The following ATP9A variants were observed in gnomAD, a reference collection of about 807,000 sequenced individuals.
The protein encoded by ATP9A is ATPase phospholipid transporting 9A.
Under a neutral mutation model 144.1 loss-of-function variants are expected in ATP9A, and 52 were observed. The ratio of observed to expected loss-of-function variants is 0.36; its 90% CI spans 0.29 to 0.45. ATP9A has a LOEUF of 0.45. Ranked by LOEUF, ATP9A falls within the 20% of genes least tolerant of loss-of-function variation. ATP9A has a pLI of 1.00. For synonymous variants in ATP9A, 582 were observed against 557.4 expected (o/e 1.04, Z -0.62); for missense variants, 947 against 1,392.7 (o/e 0.68, Z 5.09).
chr20:51,706,433 C>T (rs551421728), intron 4 of ATP9A, among the ~76,000 whole-genome samples: 2 of 152,238 alleles, frequency 1.3e-5, no homozygotes, highest in Non-Finnish European at 2.9e-5. Flanking sequence ...TACATCCACA[C>T]CCATAAAAGC....
At chr20:51,680,028 G>A (rs1185865991) in intron 9 of ATP9A, among the ~76,000 whole-genome samples, 18 of 152,042 alleles carry the variant, frequency 1.2e-4, no homozygotes, top group Admixed American at 3.9e-4. Context: ...TCAGAAGTTC[G>A]AGACCAGCCT....
intron 9 of ATP9A, among the ~76,000 whole-genome samples, chr20:51,686,299 G>A (rs1276540303): frequency 6.6e-6 from 1 of 151,388 alleles, no homozygotes; most frequent in Non-Finnish European, 1.5e-5. Flanking sequence ...CACCAACATG[G>A]CACATGTATA....
rs1010673438 is a variant in ATP9A, at chr20:51,725,992, C to T, written c.214-60G>A. ...AGGGCTTGTCTGATGAGATCTGGAA[C>T]ATTTGGTGGGAAATGAATAACATCT... is the stretch of plus-strand genomic sequence containing the variant. On this transcript the variant is annotated intron_variant, in intron 2 of 27. Coordinates refer to ENST00000338821, the MANE Select transcript of ATP9A (RefSeq NM_006045.3). The T allele has an allele frequency of 2.9e-6, 3 of 1,017,536 alleles. No individual in the cohort carries two copies. In the Admixed American group the frequency reaches 5.4e-5, roughly 18 times the overall value. 63.0% of individuals were successfully genotyped at this position (1,017,536 alleles called of 1,614,324 possible).
intron 1 of ATP9A, among the ~76,000 whole-genome samples, chr20:51,760,238 G>A (rs908398514): frequency 2.6e-5 from 4 of 152,102 alleles, no homozygotes; most frequent in East Asian, 1.9e-4. Context: ...CTGTGAGTTC[G>A]ATGTTAATGA....
chr20:51,632,577 T>C (rs149621618), intron 15 of ATP9A, among the ~76,000 whole-genome samples: 2 of 152,210 alleles, frequency 1.3e-5, no homozygotes, highest in Non-Finnish European at 2.9e-5. Context: ...ACTCTCAGCC[T>C]CTGGTTGTGA....
At chr20:51,651,165 T>TACCCAC (rs1555832967) in intron 14 of ATP9A, among the ~76,000 whole-genome samples, 1 of 140,284 alleles carries the variant, frequency 7.1e-6, no homozygotes, top group African/African-American at 2.7e-5. Context: ...TATATATATA[T>TACCCAC]ACACACACAC....
intron 9 of ATP9A, among the ~76,000 whole-genome samples, chr20:51,687,450 G>A (rs536867194): frequency 3.9e-5 from 6 of 152,234 alleles, no homozygotes; most frequent in Admixed American, 6.5e-5. Flanking sequence ...GATCCTAATC[G>A]AGTGTCTACT....
At chr20:51,701,661 A>C (rs577851932) in intron 4 of ATP9A, among the ~76,000 whole-genome samples, 2 of 152,258 alleles carry the variant, frequency 1.3e-5, no homozygotes, top group Non-Finnish European at 2.9e-5. Flanking sequence ...TCCACCTCTA[A>C]GGGAGGAAGC....
chr20:51,665,229 C>T (rs1239724155), intron 13 of ATP9A, among the ~76,000 whole-genome samples: 4 of 148,410 alleles, frequency 2.7e-5, no homozygotes, highest in East Asian at 4.0e-4. Flanking sequence ...AGTAGACTGA[C>T]AGCTGGGGGG....
intron 1 of ATP9A, among the ~76,000 whole-genome samples, chr20:51,746,634 T>C (rs2077809493): frequency 6.6e-6 from 1 of 152,184 alleles, no homozygotes. Flanking sequence ...GGTCAGGAGA[T>C]TGAAACCATC....
Position 51,695,356 on chromosome 20 carries a change from G to A in ATP9A, c.547+737C>T, listed in dbSNP as rs375284147. ...AAATTAGCCGGGCATGGTGGTGCAC[G>A]GGAGGCTGAGGCAGGAGAATGGCTT... is the stretch of plus-strand genomic sequence containing the variant. On this transcript the variant is annotated intron_variant, in intron 6 of 27. Transcript: ENST00000338821. Among the ~76,000 whole-genome samples, 20 of 151,836 alleles carry A rather than the reference G, an allele frequency of 1.3e-4. 2 individuals are homozygous for A. The highest frequency in any genetic ancestry group is 2.0e-4 in the Admixed American group (3 of 15,230).
At chr20:51,735,676 T>A (rs141406914) in intron 1 of ATP9A, among the ~76,000 whole-genome samples, 1 of 152,342 alleles carries the variant, frequency 6.6e-6, no homozygotes, top group Non-Finnish European at 1.5e-5. Flanking sequence ...AAAGCCCATC[T>A]CATTTAACCA....
chr20:51,732,339 CT>C (rs2077745600), intron 1 of ATP9A: 1 of 152,602 alleles, frequency 6.6e-6, no homozygotes, highest in Non-Finnish European at 1.5e-5. Context: ...TGCCAGCCCC[CT>C]GGGATGTCGC....
At chr20:51,718,374 G>GT (rs11474010) in intron 3 of ATP9A, among the ~76,000 whole-genome samples, 124 of 95,410 alleles carry the variant, frequency 1.3e-3, no homozygotes, top group East Asian at 0.01. Context: ...ATGTGTGTGT[G>GT]GGGGGGGGTT....
intron 13 of ATP9A, among the ~76,000 whole-genome samples, chr20:51,664,812 C>T (rs905990287): frequency 2.0e-5 from 3 of 151,754 alleles, no homozygotes; most frequent in African/African-American, 4.8e-5. Context: ...CTCCACCTGC[C>T]GGGTTCAAGC....
chr20:51,607,375 C>T (rs1444794598), intron 26 of ATP9A, 152 bp downstream of exon 26: 6 of 651,598 alleles, frequency 9.2e-6, no homozygotes, highest in Non-Finnish European at 1.6e-5. Flanking sequence ...AGTCCTTATA[C>T]AGGGTGAGCA....
chr20:51,631,863 G>T (rs1262797762), intron 15 of ATP9A, among the ~76,000 whole-genome samples: 5 of 152,140 alleles, frequency 3.3e-5, no homozygotes, highest in Non-Finnish European at 7.3e-5. Flanking sequence ...CATCACACGA[G>T]TCCTTCTCCA....
intron 1 of ATP9A, among the ~76,000 whole-genome samples, chr20:51,744,291 G>A (rs144949929): frequency 0.023 from 3,481 of 152,052 alleles, 60 homozygotes; most frequent in Non-Finnish European, 0.036. Flanking sequence ...TCAGCCTCCT[G>A]AGTAGCTGGG....
chr20:51,691,607 T>C (rs760322153), intron 7 of ATP9A, among the ~76,000 whole-genome samples: 10 of 151,934 alleles, frequency 6.6e-5, no homozygotes, highest in African/African-American at 1.9e-4. Flanking sequence ...CAAAAACAAG[T>C]GTGAAGATGT....
Sources: gnomAD v4.1 joint callset for allele counts (sites outside exome capture counted in the v4.1 genomes callset) on GRCh38, gnomAD v4.1.1 for gene constraint, MANE v1.5 for transcripts, NCBI Gene and HGNC (gene_info 2026-07-23, HGNC 2026-07-21) for gene names.